SCARB2: variants seen among roughly 807,000 people sequenced by gnomAD.
SCARB2 encodes the protein lysosome membrane protein 2.
Under a neutral mutation model 58.6 loss-of-function variants are expected in SCARB2, and 29 were observed. The ratio of observed to expected loss-of-function variants is 0.49; its 90% CI spans 0.37 to 0.67. The LOEUF is 0.67. SCARB2 is among the 30% of genes least tolerant of loss of function. The probability of loss-of-function intolerance (pLI) is 0.00; values close to 1 mark genes in which losing one functional copy is unlikely to be tolerated. For missense variants in SCARB2, 488 were observed against 578.5 expected (o/e 0.84, Z 1.60); for synonymous variants, 195 against 210.1 (o/e 0.93, Z 0.62).
At chr4:76,189,734 A>C (rs890701439) in intron 2 of SCARB2, among the ~76,000 whole-genome samples, 1 of 152,108 alleles carries the variant, frequency 6.6e-6, no homozygotes, top group Non-Finnish European at 1.5e-5. Flanking sequence ...GACTTCCCAA[A>C]GCACTGGGAA....
Position 76,174,721 on chromosome 4 carries a change from C to T in SCARB2, c.825-408G>A, listed in dbSNP as rs142899360. 556 of 245,066 alleles carry T rather than the reference C, an allele frequency of 2.3e-3. 2 individuals carry two copies. The highest frequency in any genetic ancestry group is 4.9e-3 in the Middle Eastern group (3 of 618). 15.2% of individuals were successfully genotyped at this position (245,066 alleles called of 1,614,324 possible). ...CTAAGGTAGAACAGGCAGCGATGGC[C>T]GTGGCCTCGTAGGGTCTTAGGCACT... On this transcript the variant is annotated intron_variant, in intron 6 of 11. Coordinates refer to ENST00000264896, the MANE Select transcript of SCARB2 (RefSeq NM_005506.4).
chr4:76,174,351 T>C, intron 6 of SCARB2, 38 bp from the exon 7 acceptor site: 1 of 1,604,194 alleles, frequency 6.2e-7, no homozygotes, highest in Non-Finnish European at 8.5e-7. Flanking sequence ...ATGTGGACTC[T>C]GGTCAGTGTA....
intron 3 of SCARB2, 177 bp from the exon 4 acceptor site, chr4:76,179,882 T>A: frequency 1.5e-6 from 1 of 673,634 alleles, no homozygotes; most frequent in African/African-American, 1.8e-5. Flanking sequence ...CAAAGCCTCT[T>A]CTCTGTCCTT....
chr4:76,202,238 T>C (rs2109965548), intron 1 of SCARB2, among the ~76,000 whole-genome samples: 1 of 152,326 alleles, frequency 6.6e-6, no homozygotes, highest in South Asian at 2.1e-4. Flanking sequence ...TACTGATTGT[T>C]GTTACTTTAT....
intron 1 of SCARB2, among the ~76,000 whole-genome samples, chr4:76,218,871 T>C (rs984561859): frequency 6.6e-6 from 1 of 152,228 alleles, no homozygotes; most frequent in Admixed American, 6.5e-5. Context: ...CTGCTACTTG[T>C]ACATAGTACT....
chr4:76,175,641 T>C lies in SCARB2; in HGVS notation c.824+150A>G. Reference sequence around the variant, plus strand: ...GTCTGTGCTGTGAACCAGTACACTATACTGTCTCGATGTGCCATCAGCATT... The same window carrying C: ...GTCTGTGCTGTGAACCAGTACACTACACTGTCTCGATGTGCCATCAGCATT... On this transcript the variant is annotated intron_variant, in intron 6 of 11. Transcript: ENST00000264896. 4 of 914,246 alleles carry C rather than the reference T, an allele frequency of 4.4e-6. No individual in the cohort carries two copies. In the Admixed American group the frequency reaches 6.1e-5, roughly 14 times the overall value. The allele number at this position is 914,246 out of a possible 1,614,324, so 56.6% of individuals were successfully genotyped here.
At position 76,161,028 on chromosome 4, in the gene SCARB2, A is replaced by C. The variant is rs1167115665; in HGVS notation, c.*685T>G. ...ATGCATTCTCTTCGTTCACAAAAGT[A>C]CAAGTTAAAAATCCTTAGGAGCTTA... On this transcript the variant is annotated 3_prime_UTR_variant, in exon 12 of 12. Coordinates refer to ENST00000264896, the MANE Select transcript of SCARB2 (RefSeq NM_005506.4). 1.3e-5 allele frequency: 2 copies of C among 152,676 alleles called. No individual in the cohort carries two copies. The highest frequency in any genetic ancestry group is 2.4e-5 in the African/African-American group (1 of 41,464). The allele number at this position is 152,676 out of a possible 1,614,324, so 9.5% of individuals were successfully genotyped here.
At chr4:76,179,956 C>A in intron 3 of SCARB2, 1 of 530,096 alleles carries the variant, frequency 1.9e-6, no homozygotes. Context: ...TCTGAGTTAT[C>A]CAGACACCAC....
intron 1 of SCARB2, among the ~76,000 whole-genome samples, chr4:76,232,766 A>G (rs1583943): frequency 0.16 from 23,669 of 152,118 alleles, 2,123 homozygotes; most frequent in East Asian, 0.35. Context: ...CAGGTATCAG[A>G]AAAGACAATT....
chr4:76,214,479 G>A (rs1733161464), upstream of SCARB2: 1 of 364,468 alleles, frequency 2.7e-6, no homozygotes, highest in Non-Finnish European at 5.5e-6. Flanking sequence ...CAAGAAGGAA[G>A]TTCCTTTTGA....
chr4:76,201,354 G>C (rs7436214), intron 1 of SCARB2, among the ~76,000 whole-genome samples: 4,302 of 152,250 alleles, frequency 0.028, 167 homozygotes, highest in African/African-American at 0.089. Context: ...TTAGTCTTTA[G>C]TGTCAGATTG....
intron 8 of SCARB2, 71 bp downstream of exon 8, chr4:76,169,796 A>C: frequency 8.1e-7 from 1 of 1,229,406 alleles, no homozygotes; most frequent in Non-Finnish European, 1.2e-6. Flanking sequence ...AAGGCTCAGG[A>C]CTAAACTGGT....
chr4:76,225,879 G>A (rs576013482), intron 1 of SCARB2, among the ~76,000 whole-genome samples: 8 of 152,158 alleles, frequency 5.3e-5, no homozygotes, highest in South Asian at 4.2e-4. Context: ...TCCTGGTTTC[G>A]GTATTAGGGT....
chr4:76,222,496 G>A (rs1418279733), intron 1 of SCARB2, among the ~76,000 whole-genome samples: 1 of 152,152 alleles, frequency 6.6e-6, no homozygotes, highest in Non-Finnish European at 1.5e-5. Context: ...CCAAAGTGCT[G>A]GGATTACAGG....
intron 8 of SCARB2, among the ~76,000 whole-genome samples, chr4:76,168,756 C>T (rs1213021853): frequency 1.3e-5 from 2 of 152,214 alleles, no homozygotes; most frequent in Non-Finnish European, 2.9e-5. Context: ...CTGGCCATTT[C>T]TAACAAGCTC....
At chr4:76,228,490 AAGAAAG>A (rs1733438754) in intron 1 of SCARB2, among the ~76,000 whole-genome samples, 1 of 151,318 alleles carries the variant, frequency 6.6e-6, no homozygotes. Context: ...AAAAAAAAAA[AAGAAAG>A]AAAGAAAAAA....
intron 1 of SCARB2, among the ~76,000 whole-genome samples, chr4:76,228,372 G>A (rs929528215): frequency 2.0e-4 from 30 of 151,694 alleles, no homozygotes; most frequent in African/African-American, 5.8e-4. Context: ...CCAGCTACTC[G>A]GGAGGCAGAG....
At chr4:76,165,414 G>T (rs1016226809) in intron 10 of SCARB2, 3 of 152,088 alleles carry the variant, frequency 2.0e-5, no homozygotes, top group Non-Finnish European at 4.4e-5. Context: ...GTTGACATCT[G>T]AACTGCACCT....
At position 76,205,325 on chromosome 4, in the gene SCARB2, CAAAACA is replaced by C. The variant is rs529501976; in HGVS notation, c.117+8096_117+8101del. 8.2e-3 allele frequency among the ~76,000 whole-genome samples: 1,232 copies of C among 150,514 alleles called. 17 individuals carry two copies. The highest frequency in any genetic ancestry group is 0.028 in the African/African-American group (1,160 of 40,770). On this transcript the variant is annotated intron_variant, in intron 1 of 11. Coordinates refer to ENST00000264896, the MANE Select transcript of SCARB2 (RefSeq NM_005506.4). ...TGGGTGACAGAGAGAAGCCCTATCT[CAAAACA>C]AAAACAAAAACAAAAACAAAAATAA...
Sources: gnomAD v4.1 joint callset for allele counts (sites outside exome capture counted in the v4.1 genomes callset) on GRCh38, gnomAD v4.1.1 for gene constraint, MANE v1.5 for transcripts, NCBI Gene and HGNC (gene_info 2026-07-23, HGNC 2026-07-21) for gene names.